The following MSI2 variants were observed in gnomAD, a reference collection of about 807,000 sequenced individuals.
The protein encoded by MSI2 is RNA-binding protein Musashi homolog 2.
A neutral mutation model predicts 45.6 loss-of-function variants in MSI2; 17 were observed. That is an observed-to-expected ratio of 0.37 (90% CI 0.26 to 0.56). MSI2 has a LOEUF of 0.56. MSI2 is among the 20% of genes least tolerant of loss of function. The pLI, the probability that MSI2 is intolerant of heterozygous loss-of-function variation, is 0.77. For synonymous variants in MSI2, 156 were observed against 158.2 expected, an observed-to-expected ratio of 0.99 and a Z score of 0.11; for missense variants, 293 against 444.2, an observed-to-expected ratio of 0.66 and a Z score of 3.06.
At chr17:57,304,072 T>C (rs950764754) in intron 5 of MSI2, among the ~76,000 whole-genome samples, 4 of 152,064 alleles carry the variant, frequency 2.6e-5, no homozygotes, top group African/African-American at 9.7e-5. Flanking sequence ...TAAGAGCCCA[T>C]TGATGGCTGT....
intron 5 of MSI2, among the ~76,000 whole-genome samples, chr17:57,369,708 A>G (rs2083392957): frequency 6.6e-6 from 1 of 152,214 alleles, no homozygotes; most frequent in Admixed American, 6.5e-5. Context: ...TTTGTGACTC[A>G]TCTCATTTAA....
intron 6 of MSI2, among the ~76,000 whole-genome samples, chr17:57,401,918 T>G (rs1161708373): frequency 1.3e-5 from 2 of 152,004 alleles, no homozygotes; most frequent in Non-Finnish European, 2.9e-5. Flanking sequence ...AGCTGAACCC[T>G]CCCCTGTCAA....
Position 57,420,792 on chromosome 17 carries a change from T to A in MSI2, c.405+19321T>A, listed in dbSNP as rs546858287. On this transcript the variant is annotated intron_variant, in intron 6 of 13. Coordinates refer to ENST00000284073, the MANE Select transcript of MSI2 (RefSeq NM_138962.4). ...AGAGAGGCCAATGAGGAGCTTAATT[T>A]CCTCAACAGCAGGTGTCTGTCATCT... Among the ~76,000 whole-genome samples, 15 of 152,294 alleles carry A rather than the reference T, an allele frequency of 9.8e-5. No individual in the cohort carries two copies. The South Asian group carries it at 2.3e-3, about 23-fold the overall frequency.
At chr17:57,485,620 G>C (rs2085738544) in intron 6 of MSI2, among the ~76,000 whole-genome samples, 1 of 152,202 alleles carries the variant, frequency 6.6e-6, no homozygotes. Flanking sequence ...CCTTCCTGCA[G>C]ACCTTCACGG....
At chr17:57,572,702 G>A (rs2087909839) in intron 7 of MSI2, among the ~76,000 whole-genome samples, 1 of 152,150 alleles carries the variant, frequency 6.6e-6, no homozygotes, top group South Asian at 2.1e-4. Flanking sequence ...CCCAGAGCTG[G>A]CATCTCTGCT....
At chr17:57,481,675 A>T (rs1052697272) in intron 6 of MSI2, among the ~76,000 whole-genome samples, 1 of 152,196 alleles carries the variant, frequency 6.6e-6, no homozygotes, top group East Asian at 1.9e-4. Flanking sequence ...TGTAAAGCTT[A>T]TTGGAGGTCA....
chr17:57,350,051 G>A (rs1024630644), intron 5 of MSI2, among the ~76,000 whole-genome samples: 6 of 152,118 alleles, frequency 3.9e-5, no homozygotes, highest in African/African-American at 9.7e-5. Context: ...GCTGCCTGGC[G>A]CTGTGTGAAT....
chr17:57,398,795 C>G (rs143746715), intron 5 of MSI2, among the ~76,000 whole-genome samples: 66 of 152,310 alleles, frequency 4.3e-4, no homozygotes, highest in African/African-American at 1.5e-3. Context: ...GCTCCGGCAC[C>G]TCGCACTTAA....
intron 5 of MSI2, among the ~76,000 whole-genome samples, chr17:57,372,538 A>G (rs1369637435): frequency 1.3e-5 from 2 of 152,260 alleles, no homozygotes; most frequent in African/African-American, 4.8e-5. Context: ...CAACATATTG[A>G]TATGTTTTCT....
Position 57,627,445 on chromosome 17 carries a change from C to G in MSI2, c.727+142C>G. On this transcript the variant is annotated intron_variant, in intron 10 of 13. Coordinates refer to ENST00000284073, the MANE Select transcript of MSI2 (RefSeq NM_138962.4). This position sits in a 1 kb window ranked among gnomAD's most constrained non-coding sequence, Gnocchi z 4.6. Reference sequence around the variant, plus strand: ...CTATACATGATAAATTTCAAATCCACTGAAGTTCAAGGCCAGGATGCAGCT... The same window carrying G: ...CTATACATGATAAATTTCAAATCCAGTGAAGTTCAAGGCCAGGATGCAGCT... 1.3e-6 allele frequency: 1 copy of G among 768,708 alleles called. No individual in the cohort carries two copies. The highest frequency in any genetic ancestry group is 2.2e-6 in the Non-Finnish European group (1 of 448,900). The allele number at this position is 768,708 out of a possible 1,614,324, so 47.6% of individuals were successfully genotyped here.
chr17:57,632,290 A>G (rs916112971), intron 10 of MSI2: 2 of 1,078,206 alleles, frequency 1.9e-6, no homozygotes, highest in Admixed American at 5.2e-5. Context: ...TACGATGGAC[A>G]GTGATAAAGG....
chr17:57,378,349 C>T (rs1347084233), intron 5 of MSI2, among the ~76,000 whole-genome samples: 2 of 151,944 alleles, frequency 1.3e-5, no homozygotes, highest in Middle Eastern at 3.4e-3. Context: ...CTGCAACCTC[C>T]GCCTCCCGGG....
chr17:57,405,649 C>T (rs1458800477), intron 6 of MSI2, among the ~76,000 whole-genome samples: 1 of 152,158 alleles, frequency 6.6e-6, no homozygotes, highest in African/African-American at 2.4e-5. Flanking sequence ...GAAAAAGCCA[C>T]TATTTATAAA....
At chr17:57,309,655 G>A (rs1210499470) in intron 5 of MSI2, among the ~76,000 whole-genome samples, 1 of 152,210 alleles carries the variant, frequency 6.6e-6, no homozygotes, top group East Asian at 1.9e-4. Context: ...TCATCCTTGA[G>A]GGGAATTCCT....
intron 5 of MSI2, among the ~76,000 whole-genome samples, chr17:57,297,784 C>T (rs61377100): frequency 0.023 from 3,515 of 152,268 alleles, 145 homozygotes; most frequent in African/African-American, 0.08. Context: ...GTTACCTTCC[C>T]AACAACGTGC....
At chr17:57,672,886 A>C (rs1007926024) in intron 11 of MSI2, among the ~76,000 whole-genome samples, 3 of 152,212 alleles carry the variant, frequency 2.0e-5, no homozygotes, top group East Asian at 3.8e-4. Flanking sequence ...TGTTATCTGC[A>C]AGTTGAATCT....
intron 5 of MSI2, among the ~76,000 whole-genome samples, chr17:57,391,789 A>G (rs2083797122): frequency 6.6e-6 from 1 of 152,218 alleles, no homozygotes; most frequent in East Asian, 1.9e-4. Flanking sequence ...CTGGGGCTTT[A>G]GAGGGGCCTC....
chr17:57,532,639 A>G (rs542505179), intron 7 of MSI2, among the ~76,000 whole-genome samples: 8 of 152,354 alleles, frequency 5.3e-5, no homozygotes, highest in African/African-American at 1.9e-4. Context: ...GAGTCAGGTG[A>G]TAAGCACAAG....
At chr17:57,670,697 A>G (rs1276804680) in intron 11 of MSI2, among the ~76,000 whole-genome samples, 1 of 152,172 alleles carries the variant, frequency 6.6e-6, no homozygotes, top group African/African-American at 2.4e-5. Context: ...CCAAATGGAT[A>G]AATTGGGTTT....
Sources: gnomAD v4.1 joint callset for allele counts (sites outside exome capture counted in the v4.1 genomes callset) on GRCh38, gnomAD v4.1.1 for gene constraint, Gnocchi (gnomAD v3.1) non-coding constraint, MANE v1.5 for transcripts, NCBI Gene and HGNC (gene_info 2026-07-23, HGNC 2026-07-21) for gene names.